The following ADGRF5 variants were observed in gnomAD, a reference collection of about 807,000 sequenced individuals.
ADGRF5 encodes G-protein coupled receptor 116.
Under a neutral mutation model 132.3 loss-of-function variants are expected in ADGRF5, and 75 were observed. That is an observed-to-expected ratio of 0.57 (90% confidence interval 0.47 to 0.69). The LOEUF (loss-of-function observed/expected upper bound fraction) is 0.69. Among genes scored for constraint, ADGRF5 ranks in the 30% least tolerant of loss-of-function variants. The pLI is 0.00. For synonymous variants in ADGRF5, 629 were observed against 597.6 expected (o/e 1.05, Z -0.77); for missense variants, 1,516 against 1,630.6 (o/e 0.93, Z 1.21).
At chr6:46,927,861 C>T (rs924419715) in intron 1 of ADGRF5, among the ~76,000 whole-genome samples, 1 of 152,156 alleles carries the variant, frequency 6.6e-6, no homozygotes, top group African/African-American at 2.4e-5. Flanking sequence ...CAAAGCTTTG[C>T]CATCAACAAG....
In ADGRF5 at chr6:46,871,925, T is replaced by C; in HGVS notation, c.1329A>G (p.Thr443=). The C allele has an allele frequency of 6.2e-7, 1 of 1,612,538 alleles. No homozygotes were observed. The highest frequency in any genetic ancestry group is 8.5e-7 in the Non-Finnish European group (1 of 1,179,054). ...GTQCPSGSSG[T]TVIYTCEFIS... is the part of the protein sequence containing the mutation. The stretch of plus-strand genomic sequence containing the variant: ...TGAACTCACAAGTGTAGATGACTGT[T>C]GTTCCAGACGACCCGCTTGGGCACT... Residue 443 remains threonine, a synonymous_variant, in exon 11 of 21, where the codon ACA becomes ACG. Coordinates refer to ENST00000283296, the MANE Select transcript of ADGRF5 (RefSeq NM_001098518.2).
chr6:46,900,029 C>G lies in ADGRF5; in HGVS notation c.157G>C (p.Val53Leu). 1 of 1,603,916 alleles carries G rather than the reference C, an allele frequency of 6.2e-7. No individual in the cohort carries two copies. Among genetic ancestry groups the G allele is most frequent in the Non-Finnish European group, 8.5e-7 (1 of 1,170,816 alleles). Residue 53 changes from valine (V) to leucine (L), a missense_variant and splice_region_variant, in exon 3 of 21, where the codon GTT becomes CTT. This residue lies in a region of ADGRF5 where 945 missense variants were observed against 929.4 expected (regional missense o/e 1.02). Coordinates refer to ENST00000283296, the MANE Select transcript of ADGRF5 (RefSeq NM_001098518.2). ...GATTGCCAAGCAAGAGTTTACATAC[C>G]GGCTCGTTTTTGCCTCAGTGCCTCT... is the stretch of plus-strand genomic sequence containing the variant. The part of the protein sequence containing the change: ...GEEALRQKRA[V>L]ATKSPTAEEY...
In ADGRF5 at chr6:46,869,078, T is replaced by C; in HGVS notation, c.1426A>G (p.Thr476Ala). 1.2e-6 allele frequency: 2 copies of C among 1,613,790 alleles called. No homozygotes were observed. The highest frequency in any genetic ancestry group is 1.7e-6 in the Non-Finnish European group (2 of 1,179,848). The change falls in exon 12 of 21, where the codon ACC becomes GCC. Residue 476 changes from threonine to alanine, a missense_variant. Around this residue, in one of 2 missense-constraint regions of ADGRF5, gnomAD observed 945 missense variants for 929.4 expected, o/e 1.02. Coordinates refer to ENST00000283296, the MANE Select transcript of ADGRF5 (RefSeq NM_001098518.2). ...TFISVANLTI[T>A]PDPISVSEGQ... ...TCAGAAACAGAAATTGGGTCCGGGG[T>C]TATTGTTAGATTGGCTGAAAAAAAG...
At chr6:46,910,552 A>T (rs220710) in intron 1 of ADGRF5, among the ~76,000 whole-genome samples, 54,907 of 151,844 alleles carry the variant, frequency 0.36, 12,180 homozygotes, top group Non-Finnish European at 0.48. Flanking sequence ...TTTTTCAGAC[A>T]TGGAAAAGGA....
At chr6:46,874,478 T>C (rs780176097) in intron 10 of ADGRF5, among the ~76,000 whole-genome samples, 2 of 152,206 alleles carry the variant, frequency 1.3e-5, no homozygotes, top group Non-Finnish European at 2.9e-5. Flanking sequence ...GTAGGTTCCA[T>C]AAGAAAGAAG....
intron 3 of ADGRF5, among the ~76,000 whole-genome samples, chr6:46,892,582 T>G (rs1034386136): frequency 6.6e-6 from 1 of 151,974 alleles, no homozygotes; most frequent in East Asian, 1.9e-4. Flanking sequence ...AAACGCCATC[T>G]CTACTAAAAA....
At chr6:46,908,274 T>C (rs747473981) in intron 1 of ADGRF5, among the ~76,000 whole-genome samples, 1 of 152,204 alleles carries the variant, frequency 6.6e-6, no homozygotes, top group South Asian at 2.1e-4. Context: ...ATCATAGCAA[T>C]GTACTGCTTA....
intron 4 of ADGRF5, among the ~76,000 whole-genome samples, chr6:46,885,019 T>C (rs1202770465): frequency 1.3e-5 from 2 of 151,788 alleles, no homozygotes; most frequent in African/African-American, 2.4e-5. Context: ...CTGGGCAACA[T>C]TGCAAAACCC....
At chr6:46,876,805 G>A (rs964361033) in intron 10 of ADGRF5, among the ~76,000 whole-genome samples, 3 of 152,214 alleles carry the variant, frequency 2.0e-5, no homozygotes, top group South Asian at 2.1e-4. Flanking sequence ...GGGTTTCACC[G>A]TGTTGGCCAG....
Position 46,877,378 on chromosome 6 carries a change from T to TTTCTTTCTTTC in ADGRF5, c.1240+823_1240+824insGAAAGAAAGAA, listed in dbSNP as rs1562176060. 5.1e-4 allele frequency among the ~76,000 whole-genome samples: 26 copies of TTTCTTTCTTTC among 51,474 alleles called. 1 individual carries two copies. Among genetic ancestry groups the TTTCTTTCTTTC allele is most frequent in the African/African-American group, 1.0e-3 (18 of 17,890 alleles). 33.8% of individuals were successfully genotyped at this position (51,474 alleles called of 152,430 possible). ...CTTTCTTTCTTTCTTTCTTTCTTTC[T>TTTCTTTCTTTC]TTCTTTCTTCTTTCTTTTTTTTCAT... is the stretch of plus-strand genomic sequence containing the variant. On this transcript the variant is annotated intron_variant, in intron 10 of 20. Coordinates refer to ENST00000283296, the MANE Select transcript of ADGRF5 (RefSeq NM_001098518.2).
At chr6:46,888,277 G>T in intron 4 of ADGRF5, 58 bp downstream of exon 4, 1 of 1,252,942 alleles carries the variant, frequency 8.0e-7, no homozygotes, top group Non-Finnish European at 1.2e-6. Context: ...CAGGAGCTCA[G>T]ACAGTCTGTC....
intron 10 of ADGRF5, among the ~76,000 whole-genome samples, chr6:46,874,131 T>C (rs555225823): frequency 1.8e-4 from 28 of 152,334 alleles, no homozygotes; most frequent in African/African-American, 4.8e-4. Context: ...TCTTTTTACC[T>C]TTAAAACCTT....
At chr6:46,928,916 T>C (rs12208761) in intron 1 of ADGRF5, among the ~76,000 whole-genome samples, 2,104 of 152,306 alleles carry the variant, frequency 0.014, 21 homozygotes, top group Non-Finnish European at 0.021. Flanking sequence ...AGTTCAACCA[T>C]TGTGGATGTC....
chr6:46,948,475 A>AGTGT (rs3030417), intron 1 of ADGRF5, among the ~76,000 whole-genome samples: 6,837 of 143,288 alleles, frequency 0.048, 180 homozygotes, highest in Non-Finnish European at 0.063. Flanking sequence ...TGCTCTAGTG[A>AGTGT]GTGTGTGTGT....
Position 46,890,578 on chromosome 6 carries a change from A to G in ADGRF5, c.158-2073T>C, listed in dbSNP as rs1215206536. Among the ~76,000 whole-genome samples, 4 of 152,014 alleles carry G rather than the reference A, an allele frequency of 2.6e-5. No homozygotes were observed. In the East Asian group the frequency reaches 5.9e-4, roughly 22 times the overall value. On this transcript the variant is annotated intron_variant, in intron 3 of 20. Transcript: ENST00000283296. ...CTAAAAGTACAAAAATTAGCTGGGCATGGTGGCGTGTGCCTGTAATCCCAG... is the reference window on the plus strand; with the variant it reads ...CTAAAAGTACAAAAATTAGCTGGGCGTGGTGGCGTGTGCCTGTAATCCCAG...
chr6:46,882,152 A>G (rs374299445), intron 6 of ADGRF5, 45 bp from the exon 7 acceptor site: 1 of 1,273,478 alleles, frequency 7.9e-7, no homozygotes, highest in Non-Finnish European at 1.1e-6. Flanking sequence ...AAGTCGAGAA[A>G]TAGGTGTATC....
rs1775435296 is a variant in ADGRF5 at position 46,906,904 on chromosome 6, A to G, written c.-24-118T>C. 7.6e-6 allele frequency: 5 copies of G among 653,700 alleles called. No homozygotes were observed. In the Admixed American group the frequency reaches 8.3e-5, roughly 11 times the overall value. 40.5% of individuals were successfully genotyped at this position (653,700 alleles called of 1,614,324 possible). A position where few individuals can be genotyped will look rare whatever the true frequency, so the allele number is the denominator to read the frequency against. On this transcript the variant is annotated intron_variant, in intron 1 of 20. Transcript: ENST00000283296. ...CACAAGAACTTTTCAAAAGAGACACAAAAGGAAGGAGGAGCATGAAGGAAT... is the reference window on the plus strand; with the variant it reads ...CACAAGAACTTTTCAAAAGAGACACGAAAGGAAGGAGGAGCATGAAGGAAT...
intron 10 of ADGRF5, among the ~76,000 whole-genome samples, chr6:46,876,417 T>TCCATCTGG (rs1353407265): frequency 6.6e-6 from 1 of 152,186 alleles, no homozygotes; most frequent in Non-Finnish European, 1.5e-5. Context: ...GGCAGTTCCT[T>TCCATCTGG]CAGGATACCT....
chr6:46,881,625 A>G, intron 7 of ADGRF5, 28 bp from the exon 8 acceptor site: 3 of 1,604,378 alleles, frequency 1.9e-6, no homozygotes, highest in Non-Finnish European at 2.6e-6. Context: ...AGTTCAGTAA[A>G]ACAATAACTG....
Sources: allele counts gnomAD v4.1 joint callset (sites outside exome capture counted in the v4.1 genomes callset), GRCh38; gene constraint gnomAD v4.1.1; regional missense constraint gnomAD v4.1.1; transcripts MANE v1.5; gene names NCBI Gene and HGNC (gene_info 2026-07-23, HGNC 2026-07-21).